Variants in CNGA1 observed in about 807,000 individuals in gnomAD.
CNGA1 encodes cyclic nucleotide-gated channel alpha-1.
Under a neutral mutation model 69.7 loss-of-function variants are expected in CNGA1, and 53 were observed. The ratio of observed to expected loss-of-function variants is 0.76; its 90% CI spans 0.61 to 0.96. The LOEUF is 0.96. Among genes scored for constraint, CNGA1 ranks in the 40% least tolerant of loss-of-function variants. CNGA1 has a pLI of 0.00. For missense variants in CNGA1, 739 were observed against 811.2 expected (o/e 0.91, Z 1.08); for synonymous variants, 249 against 283.5 (o/e 0.88, Z 1.22).
chr4:47,941,761 C>T (rs1739088198), intron 9 of CNGA1, among the ~76,000 whole-genome samples: 1 of 151,998 alleles, frequency 6.6e-6, no homozygotes, highest in African/African-American at 2.4e-5. Flanking sequence ...TGCACATGTA[C>T]CCCCGAACGT....
At chr4:47,996,615 C>T (rs898012664) in intron 2 of CNGA1, among the ~76,000 whole-genome samples, 1 of 152,028 alleles carries the variant, frequency 6.6e-6, no homozygotes, top group Non-Finnish European at 1.5e-5. Flanking sequence ...GAGATAGTTC[C>T]TGGAGCTTAT....
intron 1 of CNGA1, among the ~76,000 whole-genome samples, chr4:48,013,153 T>A (rs1024439912): frequency 6.6e-6 from 1 of 152,184 alleles, no homozygotes; most frequent in Non-Finnish European, 1.5e-5. Flanking sequence ...CCTCAGCAAA[T>A]TGTCCTATTG....
chr4:48,010,086 A>G (rs2109355420), intron 2 of CNGA1, among the ~76,000 whole-genome samples: 1 of 152,326 alleles, frequency 6.6e-6, no homozygotes, highest in Middle Eastern at 3.4e-3. Context: ...CTAAATAGCC[A>G]TAAATTTAGA....
chr4:48,003,554 C>A (rs889630963), intron 2 of CNGA1, among the ~76,000 whole-genome samples: 1 of 152,106 alleles, frequency 6.6e-6, no homozygotes, highest in Admixed American at 6.5e-5. Flanking sequence ...AATAGTTATA[C>A]CAGATATAGA....
At chr4:48,015,735 T>G (rs1469312815) in intron 1 of CNGA1, among the ~76,000 whole-genome samples, 2 of 152,058 alleles carry the variant, frequency 1.3e-5, no homozygotes, top group Non-Finnish European at 2.9e-5. Flanking sequence ...GCCTCCTGAG[T>G]AGCTGAGACT....
chr4:47,955,607 A>G (rs527399933), intron 3 of CNGA1, among the ~76,000 whole-genome samples: 1 of 152,206 alleles, frequency 6.6e-6, no homozygotes, highest in African/African-American at 2.4e-5. Context: ...GTGCCTTTGC[A>G]TATGCTCTCC....
intron 3 of CNGA1, among the ~76,000 whole-genome samples, chr4:47,959,873 T>C (rs1578087043): frequency 6.6e-6 from 1 of 152,332 alleles, no homozygotes; most frequent in South Asian, 2.1e-4. Flanking sequence ...CCCAAAGTGC[T>C]GGGATTACAG....
chr4:47,981,816 T>G (rs1578109815), intron 2 of CNGA1, among the ~76,000 whole-genome samples: 2 of 152,326 alleles, frequency 1.3e-5, no homozygotes, highest in African/African-American at 4.8e-5. Flanking sequence ...TTATTAAAAT[T>G]ATACCTCCAA....
intron 8 of CNGA1, 70 bp downstream of exon 8, chr4:47,943,111 T>C: frequency 1.8e-6 from 2 of 1,086,540 alleles, no homozygotes; most frequent in South Asian, 1.3e-5. Flanking sequence ...CTTTGTATTA[T>C]GGAAAATCAT....
chr4:47,937,113 G>T lies in CNGA1; in HGVS notation c.1369C>A (p.Leu457Ile). 1 of 1,614,126 alleles carries T rather than the reference G, an allele frequency of 6.2e-7. No individual in the cohort carries two copies. Residue 457 changes from leucine (L) to isoleucine (I), a missense_variant, in exon 11 of 11, where the codon CTA becomes ATA. Physicochemically the swap from Leu to Ile is conservative, Grantham distance 5. Transcript: ENST00000514170. ...ACGTTGATGGCAATTTCTGCTCTTAGTTTATCAGGTAGATACTTTAAGACT... is the reference window on the plus strand; with the variant it reads ...ACGTTGATGGCAATTTCTGCTCTTATTTTATCAGGTAGATACTTTAAGACT... ...KEVLKYLPDK[L>I]RAEIAINVHL...
chr4:47,972,649 T>A (rs1741105321), intron 3 of CNGA1, among the ~76,000 whole-genome samples: 1 of 152,258 alleles, frequency 6.6e-6, no homozygotes, highest in East Asian at 1.9e-4. Flanking sequence ...ATTAATCATT[T>A]GGATTTATTC....
chr4:47,975,919 TA>T (rs1478857393), intron 3 of CNGA1, among the ~76,000 whole-genome samples: 1 of 151,732 alleles, frequency 6.6e-6, no homozygotes, highest in Non-Finnish European at 1.5e-5. Flanking sequence ...TATTTAATTA[TA>T]AAAATTATTA....
At chr4:47,965,977 G>A (rs1394674486) in intron 3 of CNGA1, among the ~76,000 whole-genome samples, 2 of 152,170 alleles carry the variant, frequency 1.3e-5, no homozygotes, top group African/African-American at 4.8e-5. Flanking sequence ...TCCCATGCAT[G>A]AGTCTTTGAA....
At chr4:47,962,343 CAA>C (rs34020963) in intron 3 of CNGA1, among the ~76,000 whole-genome samples, 26,042 of 125,966 alleles carry the variant, frequency 0.21, 2,355 homozygotes, top group Admixed American at 0.28. Flanking sequence ...GACTCTGTCT[CAA>C]AAAAAAAAAA....
chr4:47,996,147 G>A (rs932486396), intron 2 of CNGA1, among the ~76,000 whole-genome samples: 2 of 152,110 alleles, frequency 1.3e-5, no homozygotes, highest in African/African-American at 4.8e-5. Flanking sequence ...AAAAATTCAT[G>A]ACACGAGCCT....
chr4:48,011,224 T>G (rs1715145032), intron 1 of CNGA1, among the ~76,000 whole-genome samples: 1 of 151,168 alleles, frequency 6.6e-6, no homozygotes, highest in African/African-American at 2.4e-5. Flanking sequence ...TTAGTCGGCC[T>G]AGGAAATCCA....
At chr4:48,003,910 G>A (rs1160339353) in intron 2 of CNGA1, among the ~76,000 whole-genome samples, 3 of 151,762 alleles carry the variant, frequency 2.0e-5, no homozygotes, top group African/African-American at 7.3e-5. Context: ...TTTCCCCAGG[G>A]GAGTTTAGAA....
In CNGA1 at chr4:47,940,783, A is replaced by G. The variant is rs1578065365; in HGVS notation, c.632T>C (p.Met211Thr). Reference sequence around the variant, plus strand: ...TTTACCTGTCCTTGTTCGTACAAACATATCGATTAAATAGACTATGTCTGA... The same window carrying G: ...TTTACCTGTCCTTGTTCGTACAAACGTATCGATTAAATAGACTATGTCTGA... ...YVSDIVYLID[M>T]FVRTRTGYLE... The change falls in exon 10 of 11, where the codon ATG becomes ACG. Residue 211 changes from methionine to threonine, a missense_variant. Met to Thr is a moderately conservative substitution (Grantham distance 81). Coordinates refer to ENST00000514170, the MANE Select transcript of CNGA1 (RefSeq NM_001379270.1). The G allele has an allele frequency of 3.7e-6, 6 of 1,604,948 alleles. No homozygotes were observed. The African/African-American group carries it at 4.0e-5, about 11-fold the overall frequency.
At chr4:47,980,886 G>A (rs368155824) in intron 3 of CNGA1, among the ~76,000 whole-genome samples, 11 of 41,430 alleles carry the variant, frequency 2.7e-4, no homozygotes, top group African/African-American at 7.3e-4. Context: ...CTCGGGCGAG[G>A]CACTTAATCT....
Sources: allele counts gnomAD v4.1 joint callset (sites outside exome capture counted in the v4.1 genomes callset), GRCh38; gene constraint gnomAD v4.1.1; transcripts MANE v1.5; gene names NCBI Gene and HGNC (gene_info 2026-07-23, HGNC 2026-07-21).